The following PID1 variants were observed in gnomAD, a reference collection of about 807,000 sequenced individuals.
PID1 encodes phosphotyrosine interaction domain containing 1, also known as PTB-containing, cubilin and LRP1-interacting protein.
A neutral mutation model predicts 19.1 loss-of-function variants in PID1; 10 were observed. That is an observed-to-expected ratio of 0.52 (90% CI 0.32 to 0.89). PID1 has a LOEUF of 0.89. PID1 is among the 40% of genes least tolerant of loss of function. The pLI is 0.03. For missense variants in PID1, 248 were observed against 285.3 expected, an observed-to-expected ratio of 0.87 and a Z score of 0.94; for synonymous variants, 130 against 116.0, an observed-to-expected ratio of 1.12 and a Z score of -0.78.
intron 1 of PID1, among the ~76,000 whole-genome samples, chr2:229,198,573 A>G (rs147790622): frequency 6.6e-6 from 1 of 152,172 alleles, no homozygotes; most frequent in East Asian, 1.9e-4. Context: ...TGGAATACAC[A>G]TTCTTTCTCC....
intron 2 of PID1, among the ~76,000 whole-genome samples, chr2:229,027,655 CT>C (rs1693454963): frequency 1.3e-5 from 2 of 152,092 alleles, no homozygotes; most frequent in South Asian, 4.1e-4. Flanking sequence ...TGGCCTCAGA[CT>C]ACATAGGAGC....
In PID1 at chr2:229,156,965, C is replaced by T. The variant is rs897005781; in HGVS notation, c.31-1001G>A. Among the ~76,000 whole-genome samples the T allele has an allele frequency of 1.2e-4, 19 of 152,304 alleles. No homozygotes were observed. The East Asian group carries it at 3.3e-3, about 26-fold the overall frequency. ...ACGCTGCTCCTGTCGTAGGTATTTG[C>T]AAGTCTTGCTTCCTCGCCTCCTTGA... On this transcript the variant is annotated intron_variant, in intron 1 of 2. Transcript: ENST00000392055.
intron 2 of PID1, among the ~76,000 whole-genome samples, chr2:229,048,147 A>G (rs1431177430): frequency 6.6e-6 from 1 of 152,228 alleles, no homozygotes; most frequent in Non-Finnish European, 1.5e-5. Flanking sequence ...TAAATCAGTT[A>G]CAACAGCATG....
At chr2:229,199,487 T>G (rs1476804482) in intron 1 of PID1, among the ~76,000 whole-genome samples, 1 of 151,992 alleles carries the variant, frequency 6.6e-6, no homozygotes, top group Non-Finnish European at 1.5e-5. Flanking sequence ...CGTGGCCAAC[T>G]TTTAATAAAT....
intron 2 of PID1, among the ~76,000 whole-genome samples, chr2:229,066,672 A>T (rs1415665721): frequency 6.6e-6 from 1 of 151,962 alleles, no homozygotes; most frequent in East Asian, 1.9e-4. Context: ...TCAGAGACAG[A>T]TATTTGAAAG....
At chr2:229,232,713 T>A (rs1402374045) in intron 1 of PID1, among the ~76,000 whole-genome samples, 1 of 149,240 alleles carries the variant, frequency 6.7e-6, no homozygotes, top group Non-Finnish European at 1.5e-5. Flanking sequence ...TATACACACA[T>A]TCCAATATGA....
At chr2:229,039,935 C>T (rs755660685) in intron 2 of PID1, among the ~76,000 whole-genome samples, 8 of 152,076 alleles carry the variant, frequency 5.3e-5, no homozygotes, top group Non-Finnish European at 8.8e-5. Flanking sequence ...TACATAATCA[C>T]AGTTTATCCA....
chr2:229,139,097 A>G (rs1559251704), intron 2 of PID1, among the ~76,000 whole-genome samples: 4 of 79,474 alleles, frequency 5.0e-5, no homozygotes, highest in African/African-American at 2.4e-4. Flanking sequence ...GAAAGAAAGA[A>G]AGAAAGAAAG....
intron 1 of PID1, among the ~76,000 whole-genome samples, chr2:229,253,588 A>T (rs1317083938): frequency 2.1e-5 from 1 of 47,812 alleles, no homozygotes; most frequent in African/African-American, 8.1e-5. Context: ...AAGAAATTCC[A>T]AGCAAAAAAA....
chr2:229,115,719 GC>G (rs1050710827), intron 2 of PID1, among the ~76,000 whole-genome samples: 1 of 152,116 alleles, frequency 6.6e-6, no homozygotes, highest in Non-Finnish European at 1.5e-5. Context: ...CACCAGGTGT[GC>G]CCCACATTGT....
intron 1 of PID1, among the ~76,000 whole-genome samples, chr2:229,225,698 G>T (rs1169453729): frequency 6.6e-6 from 1 of 152,170 alleles, no homozygotes; most frequent in African/African-American, 2.4e-5. Flanking sequence ...TCACAGTTTA[G>T]CATGTCTGGG....
intron 1 of PID1, among the ~76,000 whole-genome samples, chr2:229,211,517 A>T (rs1183793601): frequency 6.6e-6 from 1 of 152,196 alleles, no homozygotes; most frequent in African/African-American, 2.4e-5. Context: ...TTTTTTACCC[A>T]TTTGAACATA....
intron 1 of PID1, among the ~76,000 whole-genome samples, chr2:229,179,142 A>G (rs965445899): frequency 2.0e-5 from 3 of 152,032 alleles, no homozygotes; most frequent in African/African-American, 7.3e-5. Flanking sequence ...CATGATCTCA[A>G]TTCTGTGTCT....
intron 2 of PID1, among the ~76,000 whole-genome samples, chr2:229,044,757 A>G (rs985931295): frequency 6.6e-6 from 1 of 152,170 alleles, no homozygotes; most frequent in Non-Finnish European, 1.5e-5. Flanking sequence ...ATGACTGTCT[A>G]GGAATTCACA....
intron 2 of PID1, among the ~76,000 whole-genome samples, chr2:229,119,674 G>A: frequency 6.6e-6 from 1 of 152,192 alleles, no homozygotes; most frequent in Admixed American, 6.5e-5. Context: ...GGATATGATG[G>A]TTAATTTTAT....
chr2:229,139,138 A>C (rs7573610), intron 2 of PID1, among the ~76,000 whole-genome samples: 2,340 of 112,568 alleles, frequency 0.021, 233 homozygotes, highest in South Asian at 0.048. Context: ...AGAAAGAAAG[A>C]AAGAAAGAAA....
At chr2:229,213,509 G>A (rs144152432) in intron 1 of PID1, among the ~76,000 whole-genome samples, 163 of 152,284 alleles carry the variant, frequency 1.1e-3, no homozygotes, top group African/African-American at 3.5e-3. Flanking sequence ...GCATTGATTC[G>A]GGGAAGGGTA....
intron 2 of PID1, among the ~76,000 whole-genome samples, chr2:229,045,332 TTAA>T (rs1201265149): frequency 1.4e-4 from 21 of 152,352 alleles, no homozygotes; most frequent in South Asian, 6.2e-4. Flanking sequence ...TAATAGTTGA[TTAA>T]TAATAATTTC....
chr2:229,051,441 G>A (rs10048821), intron 2 of PID1, among the ~76,000 whole-genome samples: 79,159 of 151,672 alleles, frequency 0.52, 21,400 homozygotes, highest in East Asian at 0.67. Flanking sequence ...CGGTACAAGC[G>A]GTTCTTCTGC....
Sources: allele counts gnomAD v4.1 joint callset (sites outside exome capture counted in the v4.1 genomes callset), GRCh38; gene constraint gnomAD v4.1.1; transcripts MANE v1.5; gene names NCBI Gene and HGNC (gene_info 2026-07-23, HGNC 2026-07-21).